The following DCN variants were observed in gnomAD, a reference collection of about 807,000 sequenced individuals.
DCN encodes decorin, also known as bone proteoglycan II.
In DCN, 17 loss-of-function variants were observed where a neutral mutation model predicts 36.5. The observed-to-expected ratio is 0.47, with a 90% CI of 0.32 to 0.70. DCN has a LOEUF of 0.70. DCN is among the 30% of genes least tolerant of loss of function. The pLI is 0.04. For synonymous variants in DCN, 163 were observed against 161.4 expected (o/e 1.01, Z -0.07); for missense variants, 389 against 430.1 (o/e 0.90, Z 0.84).
At position 91,148,721 on chromosome 12, in the gene DCN, C is replaced by CAAAAAAAAAAAAAA. The variant is rs5799978; in HGVS notation, c.886-2483_886-2470dup. 2.5e-3 allele frequency among the ~76,000 whole-genome samples: 124 copies of CAAAAAAAAAAAAAA among 49,470 alleles called. 4 individuals are homozygous for CAAAAAAAAAAAAAA. The highest frequency in any genetic ancestry group is 2.8e-3 in the Non-Finnish European group (71 of 25,664). 32.5% of individuals were successfully genotyped at this position (49,470 alleles called of 152,430 possible). ...GGTGACAGAGCGAGACGCTCCGACTCAAAAAAAAAAAAAAAAAAAAAAAAA... is the reference window on the plus strand; with the variant it reads ...GGTGACAGAGCGAGACGCTCCGACTCAAAAAAAAAAAAAAAAAAAAAAAAAAAAAAAAAAAAAAA... On this transcript the variant is annotated intron_variant, in intron 7 of 7. Coordinates refer to ENST00000052754, the MANE Select transcript of DCN (RefSeq NM_001920.5).
intron 2 of DCN, among the ~76,000 whole-genome samples, chr12:91,170,383 G>A (rs1344143846): frequency 6.6e-6 from 1 of 152,094 alleles, no homozygotes; most frequent in Admixed American, 6.5e-5. Context: ...TCAAGCACAA[G>A]GTGTTCATCT....
chr12:91,157,167 T>C lies in DCN; in HGVS notation c.560A>G (p.Lys187Arg), dbSNP rs555705830. ...IVIELGTNPL[K>R]SSGIENGAFQ... Reference sequence around the variant, plus strand: ...AGCCCCATTTTCAATTCCTGAGCTCTTCAGCGGATTGGTGCCCAGTTCTAC... The same window carrying C: ...AGCCCCATTTTCAATTCCTGAGCTCCTCAGCGGATTGGTGCCCAGTTCTAC... The change falls in exon 5 of 8, where the codon AAG (lysine) becomes AGG (arginine). Residue 187 changes from lysine (K) to arginine (R), a missense_variant. Coordinates refer to ENST00000052754, the MANE Select transcript of DCN (RefSeq NM_001920.5). 28 of 1,611,274 alleles carry C rather than the reference T, an allele frequency of 1.7e-5. No homozygotes were observed. Among genetic ancestry groups the C allele is most frequent in the Non-Finnish European group, 2.4e-5 (28 of 1,177,528 alleles).
Position 91,178,575 on chromosome 12 carries a change from A to T in DCN, c.-23T>A. The T allele has an allele frequency of 6.3e-7, 1 of 1,597,268 alleles. No homozygotes were observed. Among genetic ancestry groups the T allele is most frequent in the Non-Finnish European group, 8.6e-7 (1 of 1,164,856 alleles). On this transcript the variant is annotated 5_prime_UTR_variant, in exon 2 of 8. Coordinates refer to ENST00000052754, the MANE Select transcript of DCN (RefSeq NM_001920.5). ...CATGATTTATCTCATGTATTTTCAC[A>T]ACCAGGGAACCTAGGAAACAAATGA...
chr12:91,181,215 T>A (rs1052370463), intron 1 of DCN, among the ~76,000 whole-genome samples: 3 of 151,850 alleles, frequency 2.0e-5, no homozygotes, highest in Non-Finnish European at 2.9e-5. Context: ...TATGTGTGTG[T>A]GTGCATTTAA....
intron 2 of DCN, among the ~76,000 whole-genome samples, chr12:91,171,327 A>G (rs537350654): frequency 5.3e-5 from 8 of 152,308 alleles, no homozygotes; most frequent in Admixed American, 3.9e-4. Flanking sequence ...ATTATGCTCA[A>G]ACTTCTCATT....
At chr12:91,147,028 C>T (rs903471960) in intron 7 of DCN, among the ~76,000 whole-genome samples, 9 of 152,166 alleles carry the variant, frequency 5.9e-5, no homozygotes, top group African/African-American at 2.2e-4. Context: ...GCTCTCAGAG[C>T]AATTGCTTTA....
chr12:91,172,050 C>A (rs911690501), intron 2 of DCN: 2 of 152,046 alleles, frequency 1.3e-5, no homozygotes, highest in African/African-American at 2.4e-5. Flanking sequence ...GGAGGTTTAT[C>A]TTCTTTAAAA....
chr12:91,159,000 G>T (rs1881984912), intron 3 of DCN, among the ~76,000 whole-genome samples: 1 of 150,564 alleles, frequency 6.6e-6, no homozygotes, highest in African/African-American at 2.4e-5. Context: ...TGAAAATCAG[G>T]AATGAAGAGA....
chr12:91,159,549 A>T (rs757068069), intron 3 of DCN, among the ~76,000 whole-genome samples: 1 of 152,088 alleles, frequency 6.6e-6, no homozygotes, highest in Non-Finnish European at 1.5e-5. Flanking sequence ...GATATGGTCA[A>T]TATGACACAG....
chr12:91,167,780 A>G (rs1882673604), intron 2 of DCN, among the ~76,000 whole-genome samples: 1 of 152,180 alleles, frequency 6.6e-6, no homozygotes, highest in South Asian at 2.1e-4. Flanking sequence ...GCTAAAGTAG[A>G]TCAAGAACCA....
chr12:91,153,020 T>C, intron 6 of DCN, 76 bp downstream of exon 6: 4 of 834,584 alleles, frequency 4.8e-6, no homozygotes, highest in East Asian at 4.9e-5. Flanking sequence ...AATCATCATG[T>C]TTATAATTCT....
At chr12:91,162,970 T>C (rs2121235325) in intron 3 of DCN, among the ~76,000 whole-genome samples, 4 of 152,324 alleles carry the variant, frequency 2.6e-5, no homozygotes, top group Middle Eastern at 6.8e-3. Flanking sequence ...TAGATGTTCT[T>C]GAATGCCTTT....
intron 7 of DCN, among the ~76,000 whole-genome samples, chr12:91,148,159 C>T (rs1040731419): frequency 2.6e-5 from 4 of 151,836 alleles, no homozygotes; most frequent in Non-Finnish European, 5.9e-5. Context: ...CTGCAAGCTC[C>T]GCCTCCCGGG....
chr12:91,177,972 TA>T (rs1438075004), intron 2 of DCN, among the ~76,000 whole-genome samples: 1 of 152,202 alleles, frequency 6.6e-6, no homozygotes, highest in African/African-American at 2.4e-5. Context: ...TAATATTTTA[TA>T]AAAGCATATT....
intron 1 of DCN, chr12:91,179,480 A>C (rs1431582201): frequency 2.6e-5 from 4 of 152,228 alleles, no homozygotes; most frequent in Admixed American, 2.6e-4. Context: ...CGTTGCTCTT[A>C]CCTCTTTTAA....
chr12:91,153,455 A>G (rs1253965153), intron 5 of DCN, among the ~76,000 whole-genome samples: 1 of 151,786 alleles, frequency 6.6e-6, no homozygotes, highest in African/African-American at 2.4e-5. Flanking sequence ...TGTTCTTGGA[A>G]TAGAAGAACT....
intron 1 of DCN, chr12:91,180,489 G>A (rs148537843): frequency 6.8e-4 from 103 of 152,228 alleles, no homozygotes; most frequent in African/African-American, 2.1e-3. Flanking sequence ...ATTCTCTAGA[G>A]AAGAAACAAA....
chr12:91,176,159 G>C (rs182210009), intron 2 of DCN: 1 of 151,904 alleles, frequency 6.6e-6, no homozygotes, highest in East Asian at 1.9e-4. Flanking sequence ...AGAGATAGCT[G>C]ATTAAAACTT....
At chr12:91,147,395 T>A (rs3138284) in intron 7 of DCN, among the ~76,000 whole-genome samples, 33 of 152,320 alleles carry the variant, frequency 2.2e-4, no homozygotes, top group African/African-American at 7.2e-4. Context: ...ACGTTACATG[T>A]TTTTCTTCAT....
Sources: allele counts gnomAD v4.1 joint callset (sites outside exome capture counted in the v4.1 genomes callset), GRCh38; gene constraint gnomAD v4.1.1; transcripts MANE v1.5; gene names NCBI Gene and HGNC (gene_info 2026-07-23, HGNC 2026-07-21).